The following EMC3 variants were observed in gnomAD, a reference collection of about 807,000 sequenced individuals.
The protein encoded by EMC3 is ER membrane protein complex subunit 3.
A neutral mutation model predicts 36.6 loss-of-function variants in EMC3; 13 were observed. The ratio of observed to expected loss-of-function variants is 0.35; its 90% CI spans 0.23 to 0.56. The LOEUF (loss-of-function observed/expected upper bound fraction) is 0.56, where lower values mean the gene tolerates loss of function less well. EMC3 is among the 20% of genes least tolerant of loss of function. EMC3 has a pLI of 0.84. For missense variants in EMC3, 220 were observed against 324.5 expected, an observed-to-expected ratio of 0.68 and a Z score of 2.47; for synonymous variants, 120 against 111.9, an observed-to-expected ratio of 1.07 and a Z score of -0.46.
chr3:9,976,803 T>C (rs936896667), intron 3 of EMC3, among the ~76,000 whole-genome samples, 154 bp downstream of exon 3: 4 of 152,180 alleles, frequency 2.6e-5, no homozygotes, highest in African/African-American at 9.7e-5. Flanking sequence ...TCCACTTCCA[T>C]AGATCCCTGT....
chr3:9,992,240 C>T (rs1228520415), intron 1 of EMC3, among the ~76,000 whole-genome samples: 2 of 152,134 alleles, frequency 1.3e-5, no homozygotes, highest in Admixed American at 6.6e-5. Flanking sequence ...CCTGCCTCAG[C>T]CTCCTGAGTA....
intron 7 of EMC3, among the ~76,000 whole-genome samples, chr3:9,967,221 C>A (rs6443276): frequency 0.23 from 34,388 of 152,128 alleles, 4,500 homozygotes; most frequent in African/African-American, 0.36. Context: ...GTCACCCAAG[C>A]TGGTGTGCAG....
upstream of EMC3, chr3:9,987,185 G>A: frequency 2.1e-6 from 2 of 941,220 alleles, no homozygotes; most frequent in Non-Finnish European, 2.5e-6. Flanking sequence ...CTGCACTCCA[G>A]CCTGGGCGAC....
chr3:9,976,489 T>C (rs1276696492), intron 3 of EMC3, among the ~76,000 whole-genome samples: 1 of 152,120 alleles, frequency 6.6e-6, no homozygotes, highest in Non-Finnish European at 1.5e-5. Context: ...AACTGTAGGG[T>C]AGACCAAACA....
intron 7 of EMC3, among the ~76,000 whole-genome samples, chr3:9,965,015 T>C (rs892877323): frequency 2.6e-5 from 4 of 151,528 alleles, no homozygotes; most frequent in Admixed American, 6.6e-5. Flanking sequence ...AGGCTAAGGA[T>C]AGCTTGAGCC....
At chr3:10,001,798 C>A (rs1158089421) in intron 1 of EMC3, among the ~76,000 whole-genome samples, 2 of 151,984 alleles carry the variant, frequency 1.3e-5, no homozygotes, top group South Asian at 2.1e-4. Flanking sequence ...GAGACTGAGA[C>A]CATCCTGGCT....
rs11551739 is a variant in EMC3 at position 9,986,610 on chromosome 3, G to A, written c.52C>T (p.Leu18=). Residue 18 remains leucine (L), a synonymous_variant, in exon 1 of 8, where the codon CTA becomes TTA. Transcript: ENST00000245046. ...AAGAAAGTGATGATAACGATGGGTAGGACCACCCAGAGGCGGATGTTGGAG... is the reference window on the plus strand; with the variant it reads ...AAGAAAGTGATGATAACGATGGGTAAGACCACCCAGAGGCGGATGTTGGAG... ...LDSNIRLWVV[L]PIVIITFFVG... The A allele has an allele frequency of 0.079, 126,733 of 1,614,182 alleles. 5,659 individuals carry two copies. The highest frequency in any genetic ancestry group is 0.091 in the Middle Eastern group (551 of 6,060).
rs1477851802 is a variant in EMC3, at chr3:9,986,489, A to G, written c.155+18T>C. Reference sequence around the variant, plus strand: ...GTCACGGCGGTGTGAGGTAGGCTGGAGAAGGGAGGGCGCTGACCTGTCAGA... The same window carrying G: ...GTCACGGCGGTGTGAGGTAGGCTGGGGAAGGGAGGGCGCTGACCTGTCAGA... On this transcript the variant is annotated intron_variant, in intron 1 of 7. Coordinates refer to ENST00000245046, the MANE Select transcript of EMC3 (RefSeq NM_001394674.1). The G allele has an allele frequency of 3.1e-6, 5 of 1,612,212 alleles. No homozygotes were observed. The highest frequency in any genetic ancestry group is 4.2e-6 in the Non-Finnish European group (5 of 1,178,876).
chr3:10,010,116 C>A, intron 1 of EMC3: 1 of 152,958 alleles, frequency 6.5e-6, no homozygotes, highest in Non-Finnish European at 1.5e-5. Context: ...GGACACCCCA[C>A]TGGGCACTGC....
At chr3:10,007,763 G>T (rs2086280661) in intron 1 of EMC3, 2 of 856,484 alleles carry the variant, frequency 2.3e-6, no homozygotes, top group Non-Finnish European at 3.3e-6. Flanking sequence ...CTTCCTTGTG[G>T]GTTCCTAATG....
chr3:9,970,604 A>G lies in EMC3; in HGVS notation c.552T>C (p.Ser184=), dbSNP rs1401360150. 2.5e-6 allele frequency: 4 copies of G among 1,614,214 alleles called. No individual in the cohort carries two copies. Among genetic ancestry groups the G allele is most frequent in the South Asian group, 2.2e-5 (2 of 91,090 alleles). Residue 184 remains serine, a synonymous_variant, in exon 6 of 8, where the codon TCT becomes TCC. Transcript: ENST00000245046. ...TACCATTATCTTGGCCCAGAATCAGAGAGTAAATGCTCCGAAGCCCAAATA... is the reference window on the plus strand; with the variant it reads ...TACCATTATCTTGGCCCAGAATCAGGGAGTAAATGCTCCGAAGCCCAAATA... ...LNVFGLRSIY[S]LILGQDNAAD... is the part of the protein sequence containing the mutation.
upstream of EMC3, chr3:9,987,831 C>A: frequency 1.7e-6 from 1 of 604,668 alleles, no homozygotes; most frequent in Non-Finnish European, 3.1e-6. Flanking sequence ...AGGAGATTGT[C>A]ATGGTTGAGA....
rs776135142 is a variant in EMC3 at position 9,986,791 on chromosome 3, G to A, written c.-130C>T. Reference sequence around the variant, plus strand: ...CCCGTGTACCCCAGAACTCTCCTGCGACTGTGAGCCGAGCTTACTGCCTTC... The same window carrying A: ...CCCGTGTACCCCAGAACTCTCCTGCAACTGTGAGCCGAGCTTACTGCCTTC... On this transcript the variant is annotated 5_prime_UTR_variant, in exon 1 of 8. Transcript: ENST00000245046. 2.6e-5 allele frequency: 38 copies of A among 1,473,490 alleles called. No homozygotes were observed. The highest frequency in any genetic ancestry group is 2.6e-5 in the Admixed American group (1 of 38,578). The allele number at this position is 1,473,490 out of a possible 1,614,324, so 91.3% of individuals were successfully genotyped here.
chr3:9,986,362 A>G, intron 1 of EMC3, 145 bp downstream of exon 1: 7 of 875,642 alleles, frequency 8.0e-6, no homozygotes, highest in Non-Finnish European at 1.2e-5. Flanking sequence ...TTCACAGAGG[A>G]CAAAAGTGAA....
At chr3:9,977,576 C>T (rs2085863349) in intron 1 of EMC3, 130 bp from the exon 2 acceptor site, 2 of 668,220 alleles carry the variant, frequency 3.0e-6, no homozygotes, top group East Asian at 5.6e-5. Flanking sequence ...TGGAAACTTC[C>T]CAAAATACAA....
chr3:9,996,221 A>T (rs751303176), intron 1 of EMC3, among the ~76,000 whole-genome samples: 1 of 152,214 alleles, frequency 6.6e-6, no homozygotes, highest in Non-Finnish European at 1.5e-5. Context: ...AGGCAGGAGA[A>T]TCACATGTGC....
chr3:9,978,164 A>G (rs2085870187), intron 1 of EMC3: 1 of 154,372 alleles, frequency 6.5e-6, no homozygotes, highest in Non-Finnish European at 1.3e-5. Context: ...AAAAAAAAAA[A>G]AAAAAAAAAA....
chr3:9,975,838 A>T (rs1221345454), intron 3 of EMC3, among the ~76,000 whole-genome samples: 2 of 146,718 alleles, frequency 1.4e-5, no homozygotes, highest in African/African-American at 5.1e-5. Flanking sequence ...AAAAAAAAAG[A>T]TATCTTGTTT....
intron 1 of EMC3, among the ~76,000 whole-genome samples, chr3:9,999,146 T>C (rs1256477717): frequency 1.3e-5 from 2 of 152,220 alleles, no homozygotes; most frequent in East Asian, 3.9e-4. Flanking sequence ...ATCAGACATA[T>C]GATTTGCAAA....
Sources: allele counts gnomAD v4.1 joint callset (sites outside exome capture counted in the v4.1 genomes callset), GRCh38; gene constraint gnomAD v4.1.1; transcripts MANE v1.5; gene names NCBI Gene and HGNC (gene_info 2026-07-23, HGNC 2026-07-21).